Variants in CACNA1B observed in about 807,000 individuals in gnomAD.
CACNA1B encodes the protein voltage-dependent N-type calcium channel subunit alpha-1B.
A neutral mutation model predicts 247.2 loss-of-function variants in CACNA1B; 70 were observed. The observed-to-expected ratio is 0.28, with a 90% confidence interval of 0.23 to 0.35. The LOEUF is 0.35. Ranked by LOEUF, CACNA1B falls within the 10% of genes least tolerant of loss-of-function variation. The probability of loss-of-function intolerance (pLI) is 1.00; values close to 1 mark genes in which losing one functional copy is unlikely to be tolerated. For synonymous variants in CACNA1B, 1,231 were observed against 1,294.4 expected (o/e 0.95, Z 1.05); for missense variants, 2,367 against 3,197.4 (o/e 0.74, Z 6.26).
rs866758208 is a variant in CACNA1B at position 138,023,710 on chromosome 9, C to T, written c.2967C>T (p.His989=). Residue 989 remains histidine, a synonymous_variant, in exon 19 of 47, where the codon CAC becomes CAT. Transcript: ENST00000371372. ...CCCGGCACAAGGCGCAGCCTGCTCA[C>T]GAGGCTGTGGAGAAGGAGACCACGG... ...HRARHKAQPA[H]EAVEKETTEK... 3 of 1,542,146 alleles carry T rather than the reference C, an allele frequency of 1.9e-6. No individual in the cohort carries two copies. The highest frequency in any genetic ancestry group is 2.8e-5 in the African/African-American group (2 of 71,374).
intron 36 of CACNA1B, among the ~76,000 whole-genome samples, chr9:138,080,620 T>G (rs908343455): frequency 1.3e-5 from 2 of 151,900 alleles, no homozygotes; most frequent in Non-Finnish European, 2.9e-5. Context: ...ATAACAAGAA[T>G]AGAAGTGGAG....
Position 137,882,919 on chromosome 9 carries a change from G to C in CACNA1B, c.530+36G>C, listed in dbSNP as rs778317636. The C allele has an allele frequency of 5.7e-6, 9 of 1,580,468 alleles. No homozygotes were observed. The highest frequency in any genetic ancestry group is 7.8e-6 in the Non-Finnish European group (9 of 1,153,086). ...TGAGGCCAGGAGGCCCAGCGTGTGA[G>C]GCCCGGGCGTGTGCTCTCTGAAGCT... On this transcript the variant is annotated intron_variant, in intron 3 of 46. Coordinates refer to ENST00000371372, the MANE Select transcript of CACNA1B (RefSeq NM_000718.4). This position sits in a 1 kb window ranked among gnomAD's most constrained non-coding sequence, Gnocchi z 4.0.
At chr9:137,972,542 C>T (rs757952973) in intron 11 of CACNA1B, among the ~76,000 whole-genome samples, 2 of 152,142 alleles carry the variant, frequency 1.3e-5, no homozygotes, top group African/African-American at 2.4e-5. Context: ...CCTGCTGTCA[C>T]GGTGGCCTCA....
intron 8 of CACNA1B, among the ~76,000 whole-genome samples, chr9:137,956,524 A>G (rs908986961): frequency 1.5e-4 from 23 of 152,042 alleles, no homozygotes; most frequent in African/African-American, 5.3e-4. Flanking sequence ...CGGGCATGGT[A>G]GCACGTCCCT....
rs1185372523 is a variant in CACNA1B at position 138,052,252 on chromosome 9, G to GTGTGCGTGTGTGTA, written c.3807+68_3807+69insCGTGTGTGTATGTG. The GTGTGCGTGTGTGTA allele has an allele frequency of 1.2e-6, 1 of 839,962 alleles. No homozygotes were observed. The highest frequency in any genetic ancestry group is 1.7e-5 in the African/African-American group (1 of 58,058). 52.0% of individuals were successfully genotyped at this position (839,962 alleles called of 1,614,324 possible). On this transcript the variant is annotated intron_variant, in intron 25 of 46. Coordinates refer to ENST00000371372, the MANE Select transcript of CACNA1B (RefSeq NM_000718.4). The surrounding 1 kb of genome is among the most constrained non-coding windows in gnomAD (Gnocchi z 5.1). Reference sequence around the variant, plus strand: ...TGTGTGTGCGTGTGTGTGTGTGCGTGTGTGTGTGTGTATGCATGCAGTGCA... The same window carrying GTGTGCGTGTGTGTA: ...TGTGTGTGCGTGTGTGTGTGTGCGTGTGTGCGTGTGTGTATGTGTGTGTGTATGCATGCAGTGCA...
intron 26 of CACNA1B, among the ~76,000 whole-genome samples, chr9:138,056,340 G>A (rs1049067975): frequency 6.6e-6 from 1 of 152,186 alleles, no homozygotes; most frequent in Admixed American, 6.5e-5. Context: ...TACAATATGT[G>A]GTCTTTTGTG....
At position 137,891,064 on chromosome 9, in the gene CACNA1B, G is replaced by A. The variant is rs2133241483; in HGVS notation, c.530+8181G>A. On this transcript the variant is annotated intron_variant, in intron 3 of 46. Coordinates refer to ENST00000371372, the MANE Select transcript of CACNA1B (RefSeq NM_000718.4). This position sits in a 1 kb window ranked among gnomAD's most constrained non-coding sequence, Gnocchi z 4.3. ...GTCGGGGGCACACGCCCACTCCTGG[G>A]ACCATGGCTGGCCTGTGCGTGGCCA... is the stretch of plus-strand genomic sequence containing the variant. 1 of 152,326 alleles carries A rather than the reference G, an allele frequency of 6.6e-6. No homozygotes were observed. The highest frequency in any genetic ancestry group is 1.9e-4 in the East Asian group (1 of 5,176). The allele number at this position is 152,326 out of a possible 1,614,324, so 9.4% of individuals were successfully genotyped here.
intron 3 of CACNA1B, among the ~76,000 whole-genome samples, chr9:137,897,532 A>T (rs539808458): frequency 5.3e-5 from 8 of 152,288 alleles, no homozygotes; most frequent in African/African-American, 1.9e-4. Flanking sequence ...ATGAGCCGAG[A>T]TCGTGCCACT....
Position 138,053,884 on chromosome 9 carries a change from C to T in CACNA1B, c.3846C>T (p.Val1282=). The T allele has an allele frequency of 6.2e-7, 1 of 1,613,012 alleles. No individual in the cohort carries two copies. The highest frequency in any genetic ancestry group is 8.5e-7 in the Non-Finnish European group (1 of 1,179,064). Residue 1282 remains valine, a synonymous_variant, in exon 26 of 47, where the codon GTC becomes GTT. Coordinates refer to ENST00000371372, the MANE Select transcript of CACNA1B (RefSeq NM_000718.4). ...GTGTGGTGAACTCCCTGAAGAATGT[C>T]CTCAACATCTTGATTGTCTACATGC... is the stretch of plus-strand genomic sequence containing the variant. ...FDCVVNSLKN[V]LNILIVYMLF... is the part of the protein sequence containing the mutation.
chr9:138,005,549 G>T (rs979564058), intron 15 of CACNA1B, among the ~76,000 whole-genome samples: 1 of 152,326 alleles, frequency 6.6e-6, no homozygotes, highest in Admixed American at 6.5e-5. Flanking sequence ...TGATAGCATG[G>T]TAGGGTGACT....
chr9:137,901,411 G>A (rs1042611615), intron 3 of CACNA1B, among the ~76,000 whole-genome samples: 1 of 152,018 alleles, frequency 6.6e-6, no homozygotes, highest in African/African-American at 2.4e-5. Context: ...AACCTCCACC[G>A]CCCTCCCGGG....
In CACNA1B at chr9:138,099,487, G is replaced by T. The variant is rs559458539; in HGVS notation, c.5222+2876G>T. Among the ~76,000 whole-genome samples, 53 of 152,054 alleles carry T rather than the reference G, an allele frequency of 3.5e-4. 1 individual carries two copies. In the South Asian group the frequency reaches 0.01, roughly 30 times the overall value. ...TGTGCCTGTGGATGTGCACATGCCCGTGTGTGCCTGTGGTGTGCACGTGTC... is the reference window on the plus strand; with the variant it reads ...TGTGCCTGTGGATGTGCACATGCCCTTGTGTGCCTGTGGTGTGCACGTGTC... On this transcript the variant is annotated intron_variant, in intron 37 of 46. Transcript: ENST00000371372.
At chr9:138,029,917 T>C (rs1008088687) in intron 20 of CACNA1B, among the ~76,000 whole-genome samples, 8 of 152,178 alleles carry the variant, frequency 5.3e-5, no homozygotes, top group African/African-American at 1.9e-4. Context: ...GCCCAGCCCA[T>C]TTTCATCAAA....
chr9:138,070,369 G>T (rs546683125), intron 32 of CACNA1B, among the ~76,000 whole-genome samples: 3 of 152,334 alleles, frequency 2.0e-5, no homozygotes, highest in Non-Finnish European at 4.4e-5. Flanking sequence ...CTGAGTAGAA[G>T]AAGGGGGCTC....
chr9:138,094,334 G>A (rs1589124638), intron 36 of CACNA1B, among the ~76,000 whole-genome samples: 3 of 151,792 alleles, frequency 2.0e-5, no homozygotes, highest in Admixed American at 1.3e-4. Context: ...TTTTGGAGAC[G>A]GATGGTATTC....
At chr9:138,113,273 G>A (rs1381098503) in intron 40 of CACNA1B, among the ~76,000 whole-genome samples, 1 of 146,156 alleles carries the variant, frequency 6.8e-6, no homozygotes, top group East Asian at 2.1e-4. Flanking sequence ...TCCATCTTAT[G>A]GGATACATGA....
In CACNA1B at chr9:138,102,961, C is replaced by T. The variant is rs1018515933; in HGVS notation, c.5319+154C>T. Among the ~76,000 whole-genome samples, 5 of 152,188 alleles carry T rather than the reference C, an allele frequency of 3.3e-5. No individual in the cohort carries two copies. Among genetic ancestry groups the T allele is most frequent in the African/African-American group, 1.2e-4 (5 of 41,450 alleles). On this transcript the variant is annotated intron_variant, in intron 38 of 46. Transcript: ENST00000371372. The surrounding 1 kb of genome is among the most constrained non-coding windows in gnomAD (Gnocchi z 5.4). ...CCCGGCTGCCTCACTGTGTCTTTCT[C>T]TTCAGCCCCATCCCAGCTTCCTTCC... is the stretch of plus-strand genomic sequence containing the variant.
chr9:138,043,218 G>A (rs990993600), intron 20 of CACNA1B, among the ~76,000 whole-genome samples: 7 of 152,184 alleles, frequency 4.6e-5, no homozygotes, highest in African/African-American at 1.2e-4. Context: ...GGGGCCTGGC[G>A]AGGGAGCAGG....
rs201606176 is a variant in CACNA1B at position 138,115,641 on chromosome 9, A to G, written c.5739A>G (p.Arg1913=). Residue 1913 remains arginine (R), a synonymous_variant, in exon 42 of 47, where the codon CGA becomes CGG. Coordinates refer to ENST00000371372, the MANE Select transcript of CACNA1B (RefSeq NM_000718.4). ...TCCGAGGAGCCCGGGTTTTCCTTCGACAGAAGAGTTCCACCTCCCTCAGCA... is the reference window on the plus strand; with the variant it reads ...TCCGAGGAGCCCGGGTTTTCCTTCGGCAGAAGAGTTCCACCTCCCTCAGCA... ...AVLRGARVFL[R]QKSSTSLSNG... The G allele has an allele frequency of 2.5e-6, 4 of 1,613,660 alleles. No homozygotes were observed. The highest frequency in any genetic ancestry group is 2.2e-5 in the East Asian group (1 of 44,858).
Sources: allele counts gnomAD v4.1 joint callset (sites outside exome capture counted in the v4.1 genomes callset), GRCh38; gene constraint gnomAD v4.1.1; non-coding constraint Gnocchi (gnomAD v3.1); transcripts MANE v1.5; gene names NCBI Gene and HGNC (gene_info 2026-07-23, HGNC 2026-07-21).